Variants in FDX1 observed in about 807,000 individuals in gnomAD.
FDX1 encodes the protein ferredoxin 1.
A neutral mutation model predicts 14.9 loss-of-function variants in FDX1; 9 were observed. The observed-to-expected ratio is 0.60, with a 90% CI of 0.36 to 1.05. The LOEUF is 1.05. FDX1 is among the 50% of genes least tolerant of loss of function. The pLI is 0.01. For synonymous variants in FDX1, 92 were observed against 99.4 expected, an observed-to-expected ratio of 0.93 and a Z score of 0.44; for missense variants, 204 against 237.2, an observed-to-expected ratio of 0.86 and a Z score of 0.92.
At position 110,430,109 on chromosome 11, in the gene FDX1, C is replaced by G. The variant is rs1042198; in HGVS notation, c.-12C>G. 1,340 of 1,231,590 alleles carry G rather than the reference C, an allele frequency of 1.1e-3. No homozygotes were observed. The highest frequency in any genetic ancestry group is 1.2e-3 in the Non-Finnish European group (1,212 of 989,194). 76.3% of individuals were successfully genotyped at this position (1,231,590 alleles called of 1,614,324 possible). ...GGCCTGCGTCGCTTCCGGCAGTTCC[C>G]GACCGCGGGCGATGGCTGCCGCTGG... On this transcript the variant is annotated 5_prime_UTR_variant, in exon 1 of 4. Coordinates refer to ENST00000260270, the MANE Select transcript of FDX1 (RefSeq NM_004109.5).
At chr11:110,447,516 C>G (rs889589802) in intron 2 of FDX1, among the ~76,000 whole-genome samples, 1 of 152,040 alleles carries the variant, frequency 6.6e-6, no homozygotes, top group Non-Finnish European at 1.5e-5. Context: ...TATTCCCAGC[C>G]GTAAAAGGCT....
chr11:110,444,731 T>C (rs1457839015), intron 2 of FDX1, among the ~76,000 whole-genome samples: 4 of 67,382 alleles, frequency 5.9e-5, no homozygotes, highest in Non-Finnish European at 1.1e-4. Context: ...TACGTATATA[T>C]ATATATATAT....
chr11:110,458,454 G>A (rs184470740), intron 3 of FDX1, among the ~76,000 whole-genome samples: 474 of 152,282 alleles, frequency 3.1e-3, no homozygotes, highest in Non-Finnish European at 5.1e-3. Flanking sequence ...ATTTGGAATG[G>A]AAAGAATTTT....
chr11:110,435,179 T>A (rs563885664), intron 1 of FDX1, among the ~76,000 whole-genome samples: 7 of 152,170 alleles, frequency 4.6e-5, no homozygotes, highest in Admixed American at 2.0e-4. Flanking sequence ...AGCCTCCCAA[T>A]TAGCTGGGAC....
At chr11:110,455,301 G>GTT (rs945383908) in intron 2 of FDX1, among the ~76,000 whole-genome samples, 6 of 148,534 alleles carry the variant, frequency 4.0e-5, no homozygotes, top group Non-Finnish European at 9.0e-5. Flanking sequence ...TGCCCGGCCT[G>GTT]TTTTTTTTTT....
intron 2 of FDX1, among the ~76,000 whole-genome samples, chr11:110,450,855 C>T (rs1946481757): frequency 6.6e-6 from 1 of 151,976 alleles, no homozygotes; most frequent in Admixed American, 6.6e-5. Flanking sequence ...TACACATTTT[C>T]CCTGTTCATT....
At chr11:110,439,021 T>A (rs563214519) in intron 2 of FDX1, among the ~76,000 whole-genome samples, 18 of 152,170 alleles carry the variant, frequency 1.2e-4, no homozygotes, top group Non-Finnish European at 2.2e-4. Flanking sequence ...TTCTCCTGCC[T>A]CAGCCTCTTG....
chr11:110,437,683 A>C (rs1946379216), intron 2 of FDX1, among the ~76,000 whole-genome samples: 1 of 152,128 alleles, frequency 6.6e-6, no homozygotes, highest in Non-Finnish European at 1.5e-5. Flanking sequence ...GTACATGTGC[A>C]GGTTTGTTAA....
At chr11:110,443,068 C>A (rs995888181) in intron 2 of FDX1, among the ~76,000 whole-genome samples, 6 of 152,154 alleles carry the variant, frequency 3.9e-5, no homozygotes, top group African/African-American at 1.4e-4. Flanking sequence ...GTGAGGCTTC[C>A]CCAGCCATTG....
At chr11:110,460,011 C>T (rs571314402) in intron 3 of FDX1, among the ~76,000 whole-genome samples, 2 of 152,304 alleles carry the variant, frequency 1.3e-5, no homozygotes, top group East Asian at 3.9e-4. Context: ...CTAAAGTAAC[C>T]GTTCCTTGAA....
At chr11:110,452,863 A>G (rs1276879136) in intron 2 of FDX1, among the ~76,000 whole-genome samples, 2 of 152,226 alleles carry the variant, frequency 1.3e-5, no homozygotes, top group African/African-American at 2.4e-5. Context: ...ATTTATATGA[A>G]CATTCTGGAA....
chr11:110,443,969 G>T lies in FDX1; in HGVS notation c.310+8011G>T, dbSNP rs1486052977. Among the ~76,000 whole-genome samples, 4 of 151,750 alleles carry T rather than the reference G, an allele frequency of 2.6e-5. No homozygotes were observed. The East Asian group carries it at 7.7e-4, about 29-fold the overall frequency. On this transcript the variant is annotated intron_variant, in intron 2 of 3. Coordinates refer to ENST00000260270, the MANE Select transcript of FDX1 (RefSeq NM_004109.5). Reference sequence around the variant, plus strand: ...TATAGATTCTGGATATTAGACCTTTGTTAGATGCATAGTTGGTGAATATTT... The same window carrying T: ...TATAGATTCTGGATATTAGACCTTTTTTAGATGCATAGTTGGTGAATATTT...
intron 2 of FDX1, among the ~76,000 whole-genome samples, chr11:110,449,091 A>G (rs1312806679): frequency 6.6e-6 from 1 of 152,244 alleles, no homozygotes; most frequent in Non-Finnish European, 1.5e-5. Flanking sequence ...ATACTGAAAA[A>G]TGTATCTGAA....
At chr11:110,431,101 T>TAGCAGCAGCAGCAGCAGCAGC (rs35673502) in intron 1 of FDX1, among the ~76,000 whole-genome samples, 2 of 151,110 alleles carry the variant, frequency 1.3e-5, no homozygotes, top group Non-Finnish European at 2.9e-5. Context: ...TGCCACTTGG[T>TAGCAGCAGCAGCAGCAGCAGC]AGCAGCAGCA....
At chr11:110,462,265 G>A in intron 3 of FDX1, 89 bp from the exon 4 acceptor site, 1 of 662,302 alleles carries the variant, frequency 1.5e-6, no homozygotes, top group Non-Finnish European at 2.5e-6. Flanking sequence ...CTTTGGGTAA[G>A]AAAATATAAA....
intron 1 of FDX1, among the ~76,000 whole-genome samples, chr11:110,430,846 G>A (rs1042586367): frequency 1.2e-4 from 18 of 152,186 alleles, no homozygotes; most frequent in African/African-American, 3.6e-4. Flanking sequence ...TGCCCTGTAG[G>A]CCCTTTGCTA....
intron 2 of FDX1, among the ~76,000 whole-genome samples, chr11:110,443,438 CTTTT>C (rs1204500783): frequency 2.3e-5 from 3 of 132,422 alleles, no homozygotes; most frequent in African/African-American, 2.8e-5. Flanking sequence ...TAATAATATC[CTTTT>C]TTTTTTTTTT....
At chr11:110,443,319 A>G (rs1193605401) in intron 2 of FDX1, among the ~76,000 whole-genome samples, 1 of 151,270 alleles carries the variant, frequency 6.6e-6, no homozygotes, top group Non-Finnish European at 1.5e-5. Flanking sequence ...GTTTTAAATT[A>G]TGTAAAGCTT....
intron 2 of FDX1, among the ~76,000 whole-genome samples, chr11:110,456,641 G>A: frequency 6.6e-6 from 1 of 151,316 alleles, no homozygotes; most frequent in East Asian, 1.9e-4. Flanking sequence ...CTAGTAGCTG[G>A]GACTACAAGT....
Sources: allele counts gnomAD v4.1 joint callset (sites outside exome capture counted in the v4.1 genomes callset), GRCh38; gene constraint gnomAD v4.1.1; transcripts MANE v1.5; gene names NCBI Gene and HGNC (gene_info 2026-07-23, HGNC 2026-07-21).